Variants in DNAH8 observed in about 807,000 individuals in gnomAD.
DNAH8 encodes the protein dynein axonemal heavy chain 8, also known as axonemal beta dynein heavy chain 8.
In DNAH8, 382 loss-of-function variants were observed where a neutral mutation model predicts 562.1. The observed-to-expected ratio is 0.68, with a 90% CI of 0.63 to 0.74. DNAH8 has a LOEUF of 0.74. DNAH8 is among the 30% of genes least tolerant of loss of function. DNAH8 has a pLI of 0.00. For missense variants in DNAH8, 5,203 were observed against 5,620.4 expected, an observed-to-expected ratio of 0.93 and a Z score of 2.37; for synonymous variants, 1,881 against 1,919.4, an observed-to-expected ratio of 0.98 and a Z score of 0.52.
chr6:38,756,040 T>G lies in DNAH8; in HGVS notation c.1476T>G (p.Tyr492Ter). 2 of 1,607,366 alleles carry G rather than the reference T, an allele frequency of 1.2e-6. No individual in the cohort carries two copies. The highest frequency in any genetic ancestry group is 1.7e-6 in the Non-Finnish European group (2 of 1,174,220). The part of the protein sequence containing the change: ...AIRMIHGVSR[Y>*]YNTSERMTSL... ...GAATGATTCACGGTGTGTCAAGGTA[T>G]TATAATACCTCAGAGAGAATGACCT... The change falls in exon 10 of 93, where the codon TAT (tyrosine) becomes TAG (stop). Residue 492 changes from tyrosine (Y) to a stop codon, truncating the protein, a stop_gained. Coordinates refer to ENST00000327475, the MANE Select transcript of DNAH8 (RefSeq NM_001206927.2). LOFTEE classifies it high-confidence loss of function.
At chr6:38,740,370 G>A (rs1379771340) in intron 7 of DNAH8, among the ~76,000 whole-genome samples, 4 of 152,152 alleles carry the variant, frequency 2.6e-5, no homozygotes, top group African/African-American at 9.7e-5. Context: ...TCTTCTGTGT[G>A]TGTAAAATAA....
chr6:38,841,925 A>G (rs970238090), intron 33 of DNAH8, among the ~76,000 whole-genome samples: 1 of 152,184 alleles, frequency 6.6e-6, no homozygotes, highest in African/African-American at 2.4e-5. Context: ...GTTTAAGCTC[A>G]ATCTTAAAGG....
intron 11 of DNAH8, among the ~76,000 whole-genome samples, chr6:38,765,457 AGGTTGACTTTT>A (rs1766906372): frequency 6.6e-6 from 1 of 152,110 alleles, no homozygotes; most frequent in Non-Finnish European, 1.5e-5. Context: ...AATCCACTTT[AGGTTGACTTTT>A]GTATGTCATA....
chr6:39,018,629 C>T (rs1766707299), intron 91 of DNAH8, among the ~76,000 whole-genome samples: 1 of 152,234 alleles, frequency 6.6e-6, no homozygotes, highest in Admixed American at 6.5e-5. Context: ...ATCTGCCCAT[C>T]TTCCTCCTGA....
At chr6:38,911,391 T>C in intron 65 of DNAH8, 77 bp from the exon 66 acceptor site, 3 of 1,061,520 alleles carry the variant, frequency 2.8e-6, no homozygotes, top group Non-Finnish European at 4.4e-6. Flanking sequence ...ATCACACTGA[T>C]TTCACCTTGG....
rs763348835 is a variant in DNAH8, at chr6:38,822,875, G to T, written c.3561G>T (p.Lys1187Asn). 3 of 1,604,572 alleles carry T rather than the reference G, an allele frequency of 1.9e-6. No homozygotes were observed. The highest frequency in any genetic ancestry group is 1.7e-6 in the Non-Finnish European group (2 of 1,177,400). Residue 1187 changes from lysine (K) to asparagine (N), a missense_variant, in exon 27 of 93, where the codon AAG becomes AAT. Lys to Asn is a moderately conservative substitution (Grantham distance 94). Around this residue, in one of 6 missense-constraint regions of DNAH8, gnomAD observed 2,176 missense variants for 2,365.1 expected, o/e 0.92. Transcript: ENST00000327475. ...FEEAIPARKL[K>N]NFYPGVAEHK... is the part of the protein sequence containing the mutation. Reference sequence around the variant, plus strand: ...AAGCTATTCCTGCGAGGAAGCTGAAGAATTTTTACCCGGGGGTAGCGGAGC... The same window carrying T: ...AAGCTATTCCTGCGAGGAAGCTGAATAATTTTTACCCGGGGGTAGCGGAGC...
intron 53 of DNAH8, among the ~76,000 whole-genome samples, chr6:38,876,772 A>G (rs1449856655): frequency 6.6e-6 from 1 of 152,190 alleles, no homozygotes; most frequent in African/African-American, 2.4e-5. Context: ...TGGCAAGACT[A>G]AAGAGTTACT....
intron 8 of DNAH8, among the ~76,000 whole-genome samples, chr6:38,747,555 T>G (rs1562634265): frequency 3.3e-5 from 5 of 152,064 alleles, no homozygotes. Flanking sequence ...CCCAGCTAAT[T>G]TTTGTATGTT....
chr6:38,938,242 C>G lies in DNAH8; in HGVS notation c.11816+16C>G. 1 of 1,590,226 alleles carries G rather than the reference C, an allele frequency of 6.3e-7. No individual in the cohort carries two copies. On this transcript the variant is annotated intron_variant, in intron 78 of 92. Transcript: ENST00000327475. ...CCATGGCCAGGTGAGTCCTCACTAC[C>G]TTCATCCAAAAGTGGTGACTTAAAA...
chr6:38,812,423 G>A (rs567438035), intron 24 of DNAH8, among the ~76,000 whole-genome samples: 15 of 152,180 alleles, frequency 9.9e-5, no homozygotes, highest in Non-Finnish European at 2.1e-4. Context: ...GCATACATGA[G>A]GATAGTACTA....
At chr6:39,023,102 C>G (rs2150793553) in intron 91 of DNAH8, among the ~76,000 whole-genome samples, 1 of 152,234 alleles carries the variant, frequency 6.6e-6, no homozygotes, top group South Asian at 2.1e-4. Context: ...AGATTTTCCC[C>G]AACTTTTTGT....
intron 12 of DNAH8, among the ~76,000 whole-genome samples, chr6:38,772,297 G>A (rs962872656): frequency 8.6e-5 from 13 of 152,000 alleles, no homozygotes; most frequent in Non-Finnish European, 1.8e-4. Context: ...CAAAGTGCTG[G>A]GATTACAGGC....
chr6:38,931,826 A>G lies in DNAH8; in HGVS notation c.11290A>G (p.Lys3764Glu). 1 of 1,575,276 alleles carries G rather than the reference A, an allele frequency of 6.3e-7. No individual in the cohort carries two copies. Residue 3764 changes from lysine to glutamate, a missense_variant, in exon 76 of 93, where the codon AAG becomes GAG. Coordinates refer to ENST00000327475, the MANE Select transcript of DNAH8 (RefSeq NM_001206927.2). ...ATTTATGTAGGTGAAAGTCGGTGAT[A>G]AGGAATGTGATATCATGGATACATT... Reference protein sequence around the residue: ...GTTFKVKVGDKECDIMDTFKL... With the variant: ...GTTFKVKVGDEECDIMDTFKL...
At chr6:38,732,322 C>G (rs1763717081) in intron 4 of DNAH8, among the ~76,000 whole-genome samples, 1 of 152,160 alleles carries the variant, frequency 6.6e-6, no homozygotes, top group African/African-American at 2.4e-5. Context: ...ACATGGCTAT[C>G]CTGGGGGCCA....
intron 3 of DNAH8, among the ~76,000 whole-genome samples, chr6:38,728,916 A>G (rs2127572532): frequency 6.6e-6 from 1 of 152,198 alleles, no homozygotes; most frequent in East Asian, 1.9e-4. Context: ...AAATTAAGAG[A>G]TACTCATGGC....
chr6:38,843,656 G>C (rs868074635), intron 35 of DNAH8, among the ~76,000 whole-genome samples: 15 of 152,006 alleles, frequency 9.9e-5, no homozygotes, highest in Admixed American at 2.0e-4. Context: ...GATGTTTTCA[G>C]ATTCTTCTTT....
intron 10 of DNAH8, among the ~76,000 whole-genome samples, chr6:38,758,488 A>C (rs2127603768): frequency 1.3e-5 from 2 of 150,762 alleles, no homozygotes; most frequent in African/African-American, 4.9e-5. Flanking sequence ...GGACAATTTG[A>C]CTTCCTCTTT....
chr6:38,717,071 G>A (rs371985228), intron 1 of DNAH8, among the ~76,000 whole-genome samples: 37 of 152,302 alleles, frequency 2.4e-4, no homozygotes, highest in African/African-American at 7.7e-4. Context: ...GAACAGCCAA[G>A]TGTGATTGTG....
chr6:38,726,135 G>A (rs1582833759), intron 3 of DNAH8, among the ~76,000 whole-genome samples: 1 of 152,328 alleles, frequency 6.6e-6, no homozygotes, highest in East Asian at 1.9e-4. Flanking sequence ...TTTGGCTAGG[G>A]AGGAAGCCAG....
Sources: gnomAD v4.1 joint callset for allele counts (sites outside exome capture counted in the v4.1 genomes callset) on GRCh38, gnomAD v4.1.1 for gene constraint, gnomAD v4.1.1 regional missense constraint, MANE v1.5 for transcripts, NCBI Gene and HGNC (gene_info 2026-07-23, HGNC 2026-07-21) for gene names.